The following USP16 variants were observed in gnomAD, a reference collection of about 807,000 sequenced individuals.
USP16 encodes the protein ubiquitin carboxyl-terminal hydrolase 16.
In USP16, 77 loss-of-function variants were observed where a neutral mutation model predicts 95.9. The ratio of observed to expected loss-of-function variants is 0.80; its 90% CI spans 0.67 to 0.97. The LOEUF (loss-of-function observed/expected upper bound fraction) is 0.97, where lower values mean the gene tolerates loss of function less well. Among genes scored for constraint, USP16 ranks in the 50% least tolerant of loss-of-function variants. USP16 has a pLI of 0.00. For missense variants in USP16, 943 were observed against 959.9 expected (o/e 0.98, Z 0.23); for synonymous variants, 303 against 318.2 (o/e 0.95, Z 0.51).
rs1334689716 is a variant in USP16 at position 29,047,047 on chromosome 21, A to G, written c.1737A>G (p.Leu579=). Reference sequence around the variant, plus strand: ...ACATTTCCAATGGTTTCAAAAACCTAAATTTGAATGCTGCTCTTCATCCTG... The same window carrying G: ...ACATTTCCAATGGTTTCAAAAACCTGAATTTGAATGCTGCTCTTCATCCTG... ...EVDISNGFKN[L]NLNAALHPDE... The change falls in exon 14 of 18, where the codon CTA becomes CTG. Residue 579 remains leucine, a synonymous_variant. Transcript: ENST00000399976. 4.3e-6 allele frequency: 7 copies of G among 1,614,018 alleles called. No homozygotes were observed. The highest frequency in any genetic ancestry group is 5.1e-6 in the Non-Finnish European group (6 of 1,180,030).
intron 14 of USP16, 86 bp from the exon 15 acceptor site, chr21:29,048,675 T>A: frequency 2.0e-6 from 2 of 1,025,192 alleles, no homozygotes; most frequent in Non-Finnish European, 2.9e-6. Context: ...TTGCTTTAGA[T>A]GTTTGGAATG....
chr21:29,027,699 A>C (rs1007794509), intron 1 of USP16, among the ~76,000 whole-genome samples, 174 bp from the exon 2 acceptor site: 1 of 152,246 alleles, frequency 6.6e-6, no homozygotes, highest in Non-Finnish European at 1.5e-5. Flanking sequence ...GGAGATAACT[A>C]TTCTATCTAC....
Position 29,037,302 on chromosome 21 carries a change from C to T in USP16, c.475C>T (p.Leu159Phe). 1 of 1,549,102 alleles carries T rather than the reference C, an allele frequency of 6.5e-7. No homozygotes were observed. Among genetic ancestry groups the T allele is most frequent in the South Asian group, 1.2e-5 (1 of 82,614 alleles). ...AGAGAAAGATAATGGAAATATTGAA[C>T]TTGAAAATAAAAAATTAGAAAAAGA... Reference protein sequence around the residue: ...PAEKDNGNIELENKKLEKESK... With the variant: ...PAEKDNGNIEFENKKLEKESK... The change falls in exon 6 of 18, where the codon CTT (leucine) becomes TTT (phenylalanine). Residue 159 changes from leucine to phenylalanine, a missense_variant. Coordinates refer to ENST00000399976, the MANE Select transcript of USP16 (RefSeq NM_006447.3).
intron 1 of USP16, among the ~76,000 whole-genome samples, chr21:29,025,166 C>T (rs958653402): frequency 6.6e-6 from 1 of 152,162 alleles, no homozygotes; most frequent in Non-Finnish European, 1.5e-5. Context: ...CAGGATCTGT[C>T]ACTTATCCAA....
At chr21:29,036,611 A>G (rs1236592987) in intron 5 of USP16, among the ~76,000 whole-genome samples, 1 of 152,206 alleles carries the variant, frequency 6.6e-6, no homozygotes, top group Non-Finnish European at 1.5e-5. Context: ...GCTAAGACTA[A>G]GGTAATTCCC....
At chr21:29,029,323 G>A (rs1456341160) in intron 2 of USP16, among the ~76,000 whole-genome samples, 1 of 152,210 alleles carries the variant, frequency 6.6e-6, no homozygotes, top group Non-Finnish European at 1.5e-5. Flanking sequence ...TGAGGCAGGA[G>A]AATGGCGTGA....
chr21:29,030,795 A>G, intron 3 of USP16, 22 bp downstream of exon 3: 5 of 1,578,990 alleles, frequency 3.2e-6, no homozygotes, highest in Non-Finnish European at 4.3e-6. Flanking sequence ...TTTTAAGATC[A>G]ATATGGGATT....
rs191984247 is a variant in USP16, at chr21:29,038,422, G to C, written c.724G>C (p.Ala242Pro). Residue 242 changes from alanine to proline, a missense_variant, in exon 7 of 18, where the codon GCA (alanine) becomes CCA (proline). Coordinates refer to ENST00000399976, the MANE Select transcript of USP16 (RefSeq NM_006447.3). ...TGTAAAAATTGAACCACCTGATTTG[G>C]CATTAACAGTATGTTCTTTAAACTT... ...TIVKIEPPDL[A>P]LTEPLEINLE... 28 of 1,609,502 alleles carry C rather than the reference G, an allele frequency of 1.7e-5. No individual in the cohort carries two copies. In the East Asian group the frequency reaches 6.3e-4, roughly 36 times the overall value.
chr21:29,026,685 A>T (rs1426436849), intron 1 of USP16: 1 of 151,800 alleles, frequency 6.6e-6, no homozygotes, highest in Admixed American at 6.6e-5. Context: ...CCCAGACAAC[A>T]TCTGCCTTTT....
intron 1 of USP16, 60 bp downstream of exon 1, chr21:29,024,837 GCTC>G: frequency 1.6e-6 from 2 of 1,234,338 alleles, no homozygotes; most frequent in African/African-American, 1.6e-5. Context: ...CGCTGGGAGA[GCTC>G]CTGTTTTCCG....
intron 14 of USP16, among the ~76,000 whole-genome samples, chr21:29,048,044 G>A (rs1481431143): frequency 1.6e-5 from 2 of 126,018 alleles, no homozygotes; most frequent in African/African-American, 3.2e-5. Context: ...GCTCAGAGAC[G>A]ATACGTGTGT....
rs1225179731 is a variant in USP16, at chr21:29,038,438, C to A, written c.732+8C>A. The stretch of plus-strand genomic sequence containing the variant: ...CCTGATTTGGCATTAACAGTATGTT[C>A]TTTAAACTTTTCTAGTCTGTAACTT... On this transcript the variant is annotated splice_region_variant and intron_variant, in intron 7 of 17. Coordinates refer to ENST00000399976, the MANE Select transcript of USP16 (RefSeq NM_006447.3). 1 of 1,586,906 alleles carries A rather than the reference C, an allele frequency of 6.3e-7. No individual in the cohort carries two copies. The highest frequency in any genetic ancestry group is 1.1e-5 in the South Asian group (1 of 89,472).
chr21:29,053,998 G>A (rs777465468), intron 17 of USP16, 40 bp downstream of exon 17: 8 of 1,612,720 alleles, frequency 5.0e-6, no homozygotes, highest in African/African-American at 2.7e-5. Context: ...AGCAGATTAC[G>A]GCAAAACCAA....
At chr21:29,036,155 G>C in intron 4 of USP16, 116 bp from the exon 5 acceptor site, 1 of 784,142 alleles carries the variant, frequency 1.3e-6, no homozygotes, top group Non-Finnish European at 2.0e-6. Context: ...TTTTACGTTC[G>C]GTTTCTTTAA....
intron 16 of USP16, among the ~76,000 whole-genome samples, chr21:29,051,519 C>G (rs2085413556): frequency 6.6e-6 from 1 of 152,138 alleles, no homozygotes; most frequent in South Asian, 2.1e-4. Flanking sequence ...CACAAAGGAT[C>G]TCAAAGAATC....
rs770904745 is a variant in USP16 at position 29,027,909 on chromosome 21, C to A, written c.-5C>A. ...GTGTCAGTAAGTAATCCATAAAGTG[C>A]CAACATGGGAAAGAAACGGACAAAG... On this transcript the variant is annotated 5_prime_UTR_variant, in exon 2 of 18. Coordinates refer to ENST00000399976, the MANE Select transcript of USP16 (RefSeq NM_006447.3). The A allele has an allele frequency of 1.4e-4, 218 of 1,613,004 alleles. No homozygotes were observed. Among genetic ancestry groups the A allele is most frequent in the Admixed American group, 1.7e-4 (10 of 59,970 alleles).
At chr21:29,030,565 A>G (rs1211717763) in intron 2 of USP16, 30 bp from the exon 3 acceptor site, 5 of 1,527,756 alleles carry the variant, frequency 3.3e-6, no homozygotes, top group Admixed American at 2.2e-5. Context: ...TTGACCTTAT[A>G]TATTCCTTGT....
At chr21:29,044,447 C>CTTTTT (rs5843364) in intron 13 of USP16, among the ~76,000 whole-genome samples, 6 of 120,594 alleles carry the variant, frequency 5.0e-5, no homozygotes, top group Admixed American at 8.7e-5. Context: ...CTTCTTCATT[C>CTTTTT]TTTTTTTTTT....
chr21:29,028,442 GT>G (rs1249187398), intron 2 of USP16, among the ~76,000 whole-genome samples: 2 of 136,942 alleles, frequency 1.5e-5, no homozygotes, highest in East Asian at 4.4e-4. Flanking sequence ...CATCTTTTTT[GT>G]TTTTTTTCCT....
Sources: gnomAD v4.1 joint callset for allele counts (sites outside exome capture counted in the v4.1 genomes callset) on GRCh38, gnomAD v4.1.1 for gene constraint, MANE v1.5 for transcripts, NCBI Gene and HGNC (gene_info 2026-07-23, HGNC 2026-07-21) for gene names.